The following ENOX1 variants were observed in gnomAD, a reference collection of about 807,000 sequenced individuals.
ENOX1 encodes candidate growth-related and time keeping constitutive hydroquinone (NADH) oxidase.
In ENOX1, 42 loss-of-function variants were observed where a neutral mutation model predicts 82.5. The observed-to-expected ratio is 0.51, with a 90% CI of 0.40 to 0.66. The LOEUF is 0.66. Ranked by LOEUF, ENOX1 falls within the 30% of genes least tolerant of loss-of-function variation. The probability of loss-of-function intolerance (pLI) is 0.00; values close to 1 mark genes in which losing one functional copy is unlikely to be tolerated. For missense variants in ENOX1, 608 were observed against 811.6 expected, an observed-to-expected ratio of 0.75 and a Z score of 3.05; for synonymous variants, 271 against 282.2, an observed-to-expected ratio of 0.96 and a Z score of 0.40.
rs114502123 is a variant in ENOX1, at chr13:43,739,584, G to A, written c.-285+47068C>T. ...TAATTATTATTATTATATAATAAAT[G>A]TATTTATTTAAATATATATAAACGT... On this transcript the variant is annotated intron_variant, in intron 1 of 16. Coordinates refer to ENST00000690772, the MANE Select transcript of ENOX1 (RefSeq NM_001347969.2). Among the ~76,000 whole-genome samples, 1,348 of 150,456 alleles carry A rather than the reference G, an allele frequency of 9.0e-3. 21 individuals carry two copies. Among genetic ancestry groups the A allele is most frequent in the African/African-American group, 0.031 (1,276 of 41,164 alleles).
At chr13:43,226,140 C>A (rs1458415294) in intron 15 of ENOX1, among the ~76,000 whole-genome samples, 2 of 152,036 alleles carry the variant, frequency 1.3e-5, no homozygotes, top group Non-Finnish European at 1.5e-5. Flanking sequence ...ATTCTCAATT[C>A]TGGTGAAGTG....
intron 2 of ENOX1, among the ~76,000 whole-genome samples, chr13:43,551,135 C>T (rs191995693): frequency 7.2e-5 from 11 of 152,218 alleles, no homozygotes; most frequent in African/African-American, 2.6e-4. Context: ...ATAAAAATTA[C>T]AGATGCTGTT....
chr13:43,673,022 T>C (rs570584533), intron 1 of ENOX1, among the ~76,000 whole-genome samples: 22 of 152,266 alleles, frequency 1.4e-4, no homozygotes, highest in African/African-American at 5.3e-4. Flanking sequence ...TCTAGATCAA[T>C]TCTTTGTTTA....
intron 1 of ENOX1, among the ~76,000 whole-genome samples, chr13:43,674,330 T>C (rs1301341075): frequency 1.3e-5 from 2 of 152,034 alleles, no homozygotes; most frequent in Non-Finnish European, 2.9e-5. Context: ...ATAGGTGCTA[T>C]GAAGAAAATG....
chr13:43,605,833 G>A (rs1053123831), intron 2 of ENOX1, among the ~76,000 whole-genome samples: 1 of 152,056 alleles, frequency 6.6e-6, no homozygotes, highest in African/African-American at 2.4e-5. Flanking sequence ...AAAAGCTTCT[G>A]CACAGCAAAG....
intron 2 of ENOX1, among the ~76,000 whole-genome samples, chr13:43,567,189 G>A (rs61959549): frequency 0.17 from 25,942 of 152,040 alleles, 2,698 homozygotes; most frequent in Non-Finnish European, 0.24. Context: ...TTAGTGGACT[G>A]GAAGTTGGGG....
chr13:43,385,015 A>G (rs2052318170), intron 5 of ENOX1, among the ~76,000 whole-genome samples: 1 of 152,152 alleles, frequency 6.6e-6, no homozygotes, highest in Non-Finnish European at 1.5e-5. Context: ...AGTGTGTGGT[A>G]TGTTGGCATC....
chr13:43,595,609 T>C (rs548613495), intron 2 of ENOX1, among the ~76,000 whole-genome samples: 1 of 152,150 alleles, frequency 6.6e-6, no homozygotes, highest in Non-Finnish European at 1.5e-5. Context: ...GGTCATAGGG[T>C]CAATGGTAAG....
At chr13:43,737,632 T>C (rs1594629967) in intron 1 of ENOX1, among the ~76,000 whole-genome samples, 1 of 152,322 alleles carries the variant, frequency 6.6e-6, no homozygotes, top group Non-Finnish European at 1.5e-5. Flanking sequence ...AACATATTTA[T>C]AAACCATGAG....
chr13:43,595,893 C>T (rs1283515205), intron 2 of ENOX1, among the ~76,000 whole-genome samples: 1 of 152,136 alleles, frequency 6.6e-6, no homozygotes, highest in Non-Finnish European at 1.5e-5. Context: ...AAAATAAAGA[C>T]TTACACAGAC....
intron 14 of ENOX1, among the ~76,000 whole-genome samples, chr13:43,262,557 C>T (rs1054152581): frequency 5.3e-5 from 8 of 152,190 alleles, no homozygotes; most frequent in Admixed American, 4.6e-4. Flanking sequence ...GACAGGGTCT[C>T]GCTCTGTCAC....
chr13:43,515,464 G>C (rs1484584816), intron 2 of ENOX1, among the ~76,000 whole-genome samples: 1 of 152,048 alleles, frequency 6.6e-6, no homozygotes, highest in Non-Finnish European at 1.5e-5. Context: ...TTAATTGCCT[G>C]GGTTGTCTTA....
Position 43,368,627 on chromosome 13 carries a change from C to T in ENOX1, c.209-7175G>A, listed in dbSNP as rs2051009150. Among the ~76,000 whole-genome samples, 2 of 152,314 alleles carry T rather than the reference C, an allele frequency of 1.3e-5. 1 individual carries two copies. The highest frequency in any genetic ancestry group is 4.1e-4 in the South Asian group (2 of 4,824). On this transcript the variant is annotated intron_variant, in intron 5 of 16. Transcript: ENST00000690772. ...GGGCTGACACAGTCAGAGCAAGCTGCTCCATGTTTTCTGGACCTGCTGAAA... is the reference window on the plus strand; with the variant it reads ...GGGCTGACACAGTCAGAGCAAGCTGTTCCATGTTTTCTGGACCTGCTGAAA...
chr13:43,392,940 A>G (rs1463046899), intron 5 of ENOX1, among the ~76,000 whole-genome samples: 1 of 152,152 alleles, frequency 6.6e-6, no homozygotes, highest in Admixed American at 6.5e-5. Flanking sequence ...GTGTTCAGCC[A>G]CGAGAAATTG....
At position 43,616,139 on chromosome 13, in the gene ENOX1, TAG is replaced by T. The variant is rs2082428735; in HGVS notation, c.-219+51338_-219+51339del. On this transcript the variant is annotated intron_variant, in intron 2 of 16. Transcript: ENST00000690772. ...ATAGATCTATAGATATCTATCTATC[TAG>T]ATATCTATATAGATAGATATCTATC... Among the ~76,000 whole-genome samples the T allele has an allele frequency of 4.5e-5, 2 of 44,742 alleles. 1 individual carries two copies. The highest frequency in any genetic ancestry group is 1.5e-4 in the African/African-American group (2 of 13,150). The allele number at this position is 44,742 out of a possible 152,430, so 29.4% of individuals were successfully genotyped here.
intron 1 of ENOX1, among the ~76,000 whole-genome samples, chr13:43,772,727 C>T (rs146075714): frequency 0.014 from 1,729 of 127,328 alleles, 30 homozygotes; most frequent in African/African-American, 0.049. Context: ...CCAGCCTGGG[C>T]GACAGAGCAA....
Position 43,359,837 on chromosome 13 carries a change from G to A in ENOX1, c.589+14C>T, listed in dbSNP as rs373641092. Reference sequence around the variant, plus strand: ...ACAAAATGCCTAGAAAACTCCTTATGTAATGCAAAGTACCAGAAAGGTAAA... The same window carrying A: ...ACAAAATGCCTAGAAAACTCCTTATATAATGCAAAGTACCAGAAAGGTAAA... On this transcript the variant is annotated intron_variant, in intron 7 of 16. Coordinates refer to ENST00000690772, the MANE Select transcript of ENOX1 (RefSeq NM_001347969.2). 1.2e-6 allele frequency: 2 copies of A among 1,610,916 alleles called. No individual in the cohort carries two copies. The highest frequency in any genetic ancestry group is 1.7e-6 in the Non-Finnish European group (2 of 1,177,306).
chr13:43,736,875 T>C (rs911240681), intron 1 of ENOX1, among the ~76,000 whole-genome samples: 8 of 152,166 alleles, frequency 5.3e-5, no homozygotes, highest in Admixed American at 3.9e-4. Context: ...TTGATGGTCA[T>C]CCTTTCCCAT....
At chr13:43,471,616 C>T (rs554906380) in intron 3 of ENOX1, among the ~76,000 whole-genome samples, 1 of 152,142 alleles carries the variant, frequency 6.6e-6, no homozygotes, top group East Asian at 1.9e-4. Flanking sequence ...CGAGACCATT[C>T]TGGCTAACAT....
Sources: gnomAD v4.1 joint callset for allele counts (sites outside exome capture counted in the v4.1 genomes callset) on GRCh38, gnomAD v4.1.1 for gene constraint, MANE v1.5 for transcripts, NCBI Gene and HGNC (gene_info 2026-07-23, HGNC 2026-07-21) for gene names.